The following NEDD4 variants were observed in gnomAD, a reference collection of about 807,000 sequenced individuals.
NEDD4 encodes the protein NEDD4 E3 ubiquitin protein ligase.
In NEDD4, 99 loss-of-function variants were observed where a neutral mutation model predicts 144.9. That is an observed-to-expected ratio of 0.68 (90% CI 0.58 to 0.81). The LOEUF (loss-of-function observed/expected upper bound fraction) is 0.81, where lower values mean the gene tolerates loss of function less well. NEDD4 is among the 30% of genes least tolerant of loss of function. NEDD4 has a pLI of 0.00. For synonymous variants in NEDD4, 318 were observed against 350.6 expected, an observed-to-expected ratio of 0.91 and a Z score of 1.04; for missense variants, 985 against 1,065.9, an observed-to-expected ratio of 0.92 and a Z score of 1.06.
intron 5 of NEDD4, among the ~76,000 whole-genome samples, chr15:55,911,013 C>T (rs2036254830): frequency 6.6e-6 from 1 of 152,094 alleles, no homozygotes. Context: ...TGACCCACTT[C>T]TGGCAGATCA....
rs1290842633 is a variant in NEDD4, at chr15:55,842,010, C to T, written c.1762G>A (p.Val588Ile). Residue 588 changes from valine (V) to isoleucine (I), a missense_variant, in exon 19 of 29, where the codon GTT becomes ATT. Transcript: ENST00000435532. ...ATCAGGAAGAACCATTCTCTGGCAA[C>T]TCCTCCATAATCCAATCCCTTTTCA... is the stretch of plus-strand genomic sequence containing the variant. Reference protein sequence around the residue: ...DGEKGLDYGGVAREWFFLISK... With the variant: ...DGEKGLDYGGIAREWFFLISK... 4 of 1,614,204 alleles carry T rather than the reference C, an allele frequency of 2.5e-6. No individual in the cohort carries two copies. The highest frequency in any genetic ancestry group is 3.4e-6 in the Non-Finnish European group (4 of 1,180,026).
At chr15:55,909,596 C>T (rs2036205596) in intron 5 of NEDD4, among the ~76,000 whole-genome samples, 1 of 152,154 alleles carries the variant, frequency 6.6e-6, no homozygotes, top group Admixed American at 6.5e-5. Flanking sequence ...CTGACCTCAA[C>T]ACATCGCCTG....
intron 1 of NEDD4, among the ~76,000 whole-genome samples, chr15:55,990,768 T>G (rs1158931152): frequency 6.6e-6 from 1 of 152,134 alleles, no homozygotes; most frequent in African/African-American, 2.4e-5. Context: ...GATGCTCAAT[T>G]CCAGTCCCCG....
intron 5 of NEDD4, among the ~76,000 whole-genome samples, chr15:55,889,580 G>A (rs1483543696): frequency 6.6e-6 from 1 of 152,114 alleles, no homozygotes; most frequent in Non-Finnish European, 1.5e-5. Context: ...CAAGGGTAGT[G>A]GGGTAGGGAG....
chr15:55,927,046 C>CCAGCCTGG (rs1447378847), intron 4 of NEDD4, among the ~76,000 whole-genome samples: 1 of 137,502 alleles, frequency 7.3e-6, no homozygotes, highest in Non-Finnish European at 1.5e-5. Context: ...GCCGCACTGT[C>CCAGCCTGG]CAGCCTGGGC....
Position 55,924,394 on chromosome 15 carries a change from G to T in NEDD4, c.291+252C>A, listed in dbSNP as rs189393417. ...AGAGGTTGGTTTTCTGTCCTCTCCT[G>T]TCACAAGAGGTCTTGAGTAAGACCT... On this transcript the variant is annotated intron_variant, in intron 5 of 28. Transcript: ENST00000435532. 3.1e-4 allele frequency: 124 copies of T among 397,322 alleles called. 3 individuals carry two copies. The East Asian group carries it at 4.6e-3, about 15-fold the overall frequency. 24.6% of individuals were successfully genotyped at this position (397,322 alleles called of 1,614,324 possible).
At chr15:55,845,622 C>G (rs1296637153) in intron 18 of NEDD4, among the ~76,000 whole-genome samples, 4 of 151,998 alleles carry the variant, frequency 2.6e-5, no homozygotes, top group African/African-American at 9.7e-5. Context: ...ATGTTTCAAC[C>G]ACTCAGAGTG....
At position 55,909,225 on chromosome 15, in the gene NEDD4, A is replaced by T. The variant is rs1051678093; in HGVS notation, c.291+15421T>A. ...TGACTCACCCATGAATCGAGCTACA[A>T]GGTGCACATACACACTAGCTGGTTG... On this transcript the variant is annotated intron_variant, in intron 5 of 28. Transcript: ENST00000435532. 2.6e-5 allele frequency among the ~76,000 whole-genome samples: 4 copies of T among 152,294 alleles called. No homozygotes were observed. The East Asian group carries it at 7.7e-4, about 29-fold the overall frequency.
chr15:55,850,047 C>A (rs1186762040), intron 14 of NEDD4, among the ~76,000 whole-genome samples: 30 of 152,284 alleles, frequency 2.0e-4, no homozygotes, highest in Middle Eastern at 6.8e-3. Context: ...GATCTCCCCC[C>A]TCGGCCTCCC....
intron 7 of NEDD4, among the ~76,000 whole-genome samples, chr15:55,870,162 G>C (rs1459443258): frequency 3.3e-5 from 5 of 152,174 alleles, no homozygotes; most frequent in African/African-American, 1.2e-4. Flanking sequence ...ATGGTCCAGA[G>C]GTCATGCAAA....
chr15:55,834,120 A>G lies in NEDD4; in HGVS notation c.2348T>C (p.Val783Ala). 1.2e-6 allele frequency: 2 copies of G among 1,613,688 alleles called. No individual in the cohort carries two copies. The highest frequency in any genetic ancestry group is 1.7e-6 in the Non-Finnish European group (2 of 1,179,956). The change falls in exon 26 of 29, where the codon GTT (valine) becomes GCT (alanine). Residue 783 changes from valine (V) to alanine (A), a missense_variant. By Grantham distance (64) the Val-to-Ala change is moderately conservative. Transcript: ENST00000435532. ...ATGTTCCCTCCAGTCATTCACATCA[A>G]CATCTCCCAGTCCACACATAAGAAG... ...LELLMCGLGDVDVNDWREHTK... is the reference protein window; with the variant it reads ...LELLMCGLGDADVNDWREHTK...
At chr15:55,976,846 G>A (rs912584016) in intron 1 of NEDD4, among the ~76,000 whole-genome samples, 3 of 151,996 alleles carry the variant, frequency 2.0e-5, no homozygotes, top group African/African-American at 7.2e-5. Context: ...TGTTAGCAAG[G>A]ATGGTCTCGA....
intron 5 of NEDD4, among the ~76,000 whole-genome samples, chr15:55,874,740 G>C (rs1308026174): frequency 3.3e-5 from 5 of 152,150 alleles, no homozygotes; most frequent in African/African-American, 1.2e-4. Context: ...TTGGGAGGCC[G>C]AGGTGGGCGG....
rs2142048725 is a variant in NEDD4 at position 55,866,298 on chromosome 15, T to G, written c.508-3219A>C. ...TCTTTTTATTGCCCAAATTTCATTC[T>G]CTTCTTTCCTTATATCCTCTTACTT... On this transcript the variant is annotated intron_variant, in intron 8 of 28. Transcript: ENST00000435532. 2.6e-5 allele frequency among the ~76,000 whole-genome samples: 4 copies of G among 152,082 alleles called. No individual in the cohort carries two copies. In the South Asian group the frequency reaches 8.3e-4, roughly 32 times the overall value.
rs2036630499 is a variant in NEDD4 at position 55,924,685 on chromosome 15, C to A, written c.252G>T (p.Gln84His). The change falls in exon 5 of 29, where the codon CAG (glutamine) becomes CAT (histidine). Residue 84 changes from glutamine to histidine, a missense_variant. Gln to His is a conservative substitution (Grantham distance 24, BLOSUM62 0). Transcript: ENST00000435532. ...EEILFRVHPQQHRLLFEVFDE... is the reference protein window; with the variant it reads ...EEILFRVHPQHHRLLFEVFDE... ...CAAACACTTCAAAAAGAAGCCGGTG[C>A]TGCTGAGGATGAACCTAAGAAAAAC... 6.2e-7 allele frequency: 1 copy of A among 1,609,522 alleles called. No individual in the cohort carries two copies. Among genetic ancestry groups the A allele is most frequent in the Non-Finnish European group, 8.5e-7 (1 of 1,177,884 alleles).
intron 13 of NEDD4, among the ~76,000 whole-genome samples, 189 bp from the exon 14 acceptor site, chr15:55,850,931 A>G (rs2033958734): frequency 1.3e-5 from 2 of 152,204 alleles, no homozygotes; most frequent in African/African-American, 4.8e-5. Flanking sequence ...ATAATGCATT[A>G]CATTTAATAA....
intron 15 of NEDD4, 63 bp downstream of exon 15, chr15:55,848,743 A>C: frequency 7.0e-7 from 1 of 1,437,494 alleles, no homozygotes; most frequent in Non-Finnish European, 9.8e-7. Context: ...GAAATACTAT[A>C]CCCGAAAATG....
intron 5 of NEDD4, among the ~76,000 whole-genome samples, chr15:55,888,680 A>T (rs571384598): frequency 6.6e-6 from 1 of 152,348 alleles, no homozygotes; most frequent in Non-Finnish European, 1.5e-5. Context: ...AACTGGAGAA[A>T]TCACATTACC....
intron 5 of NEDD4, among the ~76,000 whole-genome samples, chr15:55,908,160 T>C (rs2036160728): frequency 6.6e-6 from 1 of 152,192 alleles, no homozygotes; most frequent in Non-Finnish European, 1.5e-5. Flanking sequence ...CTCTACCTCA[T>C]TCCAAAGGGT....
Sources: allele counts gnomAD v4.1 joint callset (sites outside exome capture counted in the v4.1 genomes callset), GRCh38; gene constraint gnomAD v4.1.1; transcripts MANE v1.5; gene names NCBI Gene and HGNC (gene_info 2026-07-23, HGNC 2026-07-21).